Variants in ZNF207 observed in about 807,000 individuals in gnomAD.
The protein encoded by ZNF207 is BUB3-interacting and GLEBS motif-containing protein ZNF207.
ZNF207 carries 24 observed loss-of-function variants against 60.2 expected under a neutral mutation model. The ratio of observed to expected loss-of-function variants is 0.40; its 90% CI spans 0.29 to 0.56. The LOEUF (loss-of-function observed/expected upper bound fraction) is 0.56. Among genes scored for constraint, ZNF207 ranks in the 20% least tolerant of loss-of-function variants. The pLI is 0.49. For synonymous variants in ZNF207, 236 were observed against 194.7 expected (o/e 1.21, Z -1.77); for missense variants, 452 against 636.6 (o/e 0.71, Z 3.12).
intron 3 of ZNF207, among the ~76,000 whole-genome samples, chr17:32,359,973 T>A (rs1904761154): frequency 6.6e-6 from 1 of 152,210 alleles, no homozygotes. Context: ...ATTTGAGCTC[T>A]GTTTTTGAAG....
intron 5 of ZNF207, chr17:32,361,242 G>A (rs192322391): frequency 2.7e-5 from 15 of 555,572 alleles, no homozygotes; most frequent in East Asian, 1.5e-4. Flanking sequence ...ATAGATTTGC[G>A]TTTCTGAGAT....
rs1905614449 is a variant in ZNF207 at position 32,374,667 on chromosome 17, T to C, written c.*4908T>C. ...TGTAAAGGTGGGAAGGTGGTGTCTATGTGTGTGCTTGTGTATGTGGGGGTA... is the reference window on the plus strand; with the variant it reads ...TGTAAAGGTGGGAAGGTGGTGTCTACGTGTGTGCTTGTGTATGTGGGGGTA... On this transcript the variant is annotated 3_prime_UTR_variant, in exon 12 of 12. Transcript: ENST00000394670. 1 of 152,192 alleles carries C rather than the reference T, an allele frequency of 6.6e-6. No individual in the cohort carries two copies. Among genetic ancestry groups the C allele is most frequent in the African/African-American group, 2.4e-5 (1 of 41,450 alleles). The allele number at this position is 152,192 out of a possible 1,614,324, so 9.4% of individuals were successfully genotyped here.
intron 10 of ZNF207, chr17:32,369,040 G>C: frequency 2.3e-6 from 1 of 430,034 alleles, no homozygotes; most frequent in Non-Finnish European, 4.2e-6. Context: ...TACTTCATTA[G>C]ATAGTTTCTT....
chr17:32,369,261 G>T, intron 10 of ZNF207, 34 bp from the exon 11 acceptor site: 2 of 1,599,834 alleles, frequency 1.3e-6, no homozygotes, highest in South Asian at 2.2e-5. Flanking sequence ...CTCTGCATTC[G>T]AGTATTTAGC....
intron 7 of ZNF207, among the ~76,000 whole-genome samples, chr17:32,364,474 C>G (rs1381833597): frequency 1.3e-5 from 2 of 151,768 alleles, no homozygotes; most frequent in East Asian, 3.9e-4. Flanking sequence ...TTTCTCCTGC[C>G]TCAGCCTCCT....
chr17:32,353,811 CAA>C (rs536502166), intron 2 of ZNF207, among the ~76,000 whole-genome samples: 203 of 110,454 alleles, frequency 1.8e-3, no homozygotes, highest in African/African-American at 7.0e-3. Flanking sequence ...ACTCTGTCTC[CAA>C]AAAAAAAAAA....
At position 32,381,048 on chromosome 17, in the gene ZNF207, T is replaced by A. The variant is rs1905864457; in HGVS notation, c.*11289T>A. 1 of 152,146 alleles carries A rather than the reference T, an allele frequency of 6.6e-6. No homozygotes were observed. The highest frequency in any genetic ancestry group is 6.6e-5 in the Admixed American group (1 of 15,266). The allele number at this position is 152,146 out of a possible 1,614,324, so 9.4% of individuals were successfully genotyped here. A position where few individuals can be genotyped will look rare whatever the true frequency, so the allele number is the denominator to read the frequency against. On this transcript the variant is annotated 3_prime_UTR_variant, in exon 12 of 12. Coordinates refer to ENST00000394670, the MANE Select transcript of ZNF207 (RefSeq NM_001098507.2). Reference sequence around the variant, plus strand: ...ATAATAAAGTGATAATAAATGAAGGTTAAAGTCAAGTGTTCAATTACTACA... The same window carrying A: ...ATAATAAAGTGATAATAAATGAAGGATAAAGTCAAGTGTTCAATTACTACA...
In ZNF207 at chr17:32,358,518, A is replaced by G. The variant is rs760717926; in HGVS notation, c.184A>G (p.Ile62Val). 1 of 1,561,406 alleles carries G rather than the reference A, an allele frequency of 6.4e-7. No homozygotes were observed. The highest frequency in any genetic ancestry group is 8.6e-7 in the Non-Finnish European group (1 of 1,162,700). The stretch of plus-strand genomic sequence containing the variant: ...TTGTTGTTAGGTACATAAAGAAACA[A>G]TAGATGCCGTACCAAATGCAATACC... ...IHCMQVHKET[I>V]DAVPNAIPGR... The change falls in exon 3 of 12, where the codon ATA (isoleucine) becomes GTA (valine). Residue 62 changes from isoleucine (I) to valine (V), a missense_variant. Around this residue, in one of 2 missense-constraint regions of ZNF207, gnomAD observed 62 missense variants for 175.3 expected, o/e 0.35. Coordinates refer to ENST00000394670, the MANE Select transcript of ZNF207 (RefSeq NM_001098507.2).
intron 1 of ZNF207, 68 bp downstream of exon 1, chr17:32,350,394 G>T (rs1010434113): frequency 6.2e-7 from 1 of 1,603,340 alleles, no homozygotes; most frequent in Admixed American, 1.7e-5. Flanking sequence ...GGACTAGGAG[G>T]CCTGGATTTG....
intron 7 of ZNF207, among the ~76,000 whole-genome samples, chr17:32,364,056 A>G (rs1479054491): frequency 2.1e-5 from 3 of 142,088 alleles, no homozygotes; most frequent in African/African-American, 7.6e-5. Flanking sequence ...TTTTTGAGAC[A>G]GGGTGTTGGT....
chr17:32,371,660 G>C lies in ZNF207; in HGVS notation c.*1901G>C, dbSNP rs1168559765. 2.0e-5 allele frequency: 3 copies of C among 152,076 alleles called. No homozygotes were observed. The highest frequency in any genetic ancestry group is 4.4e-5 in the Non-Finnish European group (3 of 68,042). 9.4% of individuals were successfully genotyped at this position (152,076 alleles called of 1,614,324 possible). A position where few individuals can be genotyped will look rare whatever the true frequency, so the allele number is the denominator to read the frequency against. On this transcript the variant is annotated 3_prime_UTR_variant, in exon 12 of 12. Transcript: ENST00000394670. ...GCTGCTCAAGAGGCTGAGGAAGGAG[G>C]TTCTTCCTCCTTCCGAGGCTGCGGT...
At chr17:32,353,811 CA>C (rs536502166) in intron 2 of ZNF207, among the ~76,000 whole-genome samples, 1,401 of 110,212 alleles carry the variant, frequency 0.013, 5 homozygotes, top group African/African-American at 0.037. Flanking sequence ...ACTCTGTCTC[CA>C]AAAAAAAAAA....
At chr17:32,360,567 C>G (rs376599874) in intron 3 of ZNF207, 31 bp from the exon 4 acceptor site, 190 of 1,562,468 alleles carry the variant, frequency 1.2e-4, no homozygotes, top group Non-Finnish European at 1.6e-4. Flanking sequence ...TTAGTTTTTA[C>G]TCTATGGAAA....
intron 2 of ZNF207, among the ~76,000 whole-genome samples, chr17:32,356,844 A>G (rs1199088320): frequency 6.6e-6 from 1 of 152,150 alleles, no homozygotes; most frequent in Non-Finnish European, 1.5e-5. Flanking sequence ...AAACAATATA[A>G]TGAAAAAAAA....
intron 5 of ZNF207, 68 bp downstream of exon 5, chr17:32,361,035 A>G (rs772669809): frequency 4.2e-5 from 64 of 1,511,228 alleles, no homozygotes; most frequent in Non-Finnish European, 4.9e-5. Flanking sequence ...TTTGGATGTT[A>G]TATGAATGAA....
chr17:32,367,272 T>TAC, intron 9 of ZNF207, among the ~76,000 whole-genome samples: 2 of 118,544 alleles, frequency 1.7e-5, no homozygotes, highest in African/African-American at 3.7e-5. Flanking sequence ...TATATATATA[T>TAC]ATATATATAT....
At chr17:32,360,322 C>T (rs1904794574) in intron 3 of ZNF207, among the ~76,000 whole-genome samples, 1 of 151,896 alleles carries the variant, frequency 6.6e-6, no homozygotes, top group African/African-American at 2.4e-5. Flanking sequence ...TGCTGTACAG[C>T]CTGCATCGCA....
rs1905656188 is a variant in ZNF207 at position 32,375,793 on chromosome 17, T to C, written c.*6034T>C. ...TTCTGCGTTATTCCAAATTGAAATTTGTTTGCTCTTCATTGTAACTTTTAT... is the reference window on the plus strand; with the variant it reads ...TTCTGCGTTATTCCAAATTGAAATTCGTTTGCTCTTCATTGTAACTTTTAT... On this transcript the variant is annotated 3_prime_UTR_variant, in exon 12 of 12. Transcript: ENST00000394670. 2 of 152,126 alleles carry C rather than the reference T, an allele frequency of 1.3e-5. No individual in the cohort carries two copies. The highest frequency in any genetic ancestry group is 4.1e-4 in the South Asian group (2 of 4,832). 9.4% of individuals were successfully genotyped at this position (152,126 alleles called of 1,614,324 possible). A position where few individuals can be genotyped will look rare whatever the true frequency, so the allele number is the denominator to read the frequency against.
Position 32,371,163 on chromosome 17 carries a change from T to G in ZNF207, c.*1404T>G, listed in dbSNP as rs1286876212. ...CTTTTGCAGGGTAGTTTTATGATTTTTTAGGCATCAAATAACCTATGCAAA... is the reference window on the plus strand; with the variant it reads ...CTTTTGCAGGGTAGTTTTATGATTTGTTAGGCATCAAATAACCTATGCAAA... On this transcript the variant is annotated 3_prime_UTR_variant, in exon 12 of 12. Coordinates refer to ENST00000394670, the MANE Select transcript of ZNF207 (RefSeq NM_001098507.2). The G allele has an allele frequency of 6.6e-6, 1 of 152,232 alleles. No homozygotes were observed. Among genetic ancestry groups the G allele is most frequent in the Non-Finnish European group, 1.5e-5 (1 of 68,040 alleles). The allele number at this position is 152,232 out of a possible 1,614,324, so 9.4% of individuals were successfully genotyped here. A position where few individuals can be genotyped will look rare whatever the true frequency, so the allele number is the denominator to read the frequency against.
Sources: gnomAD v4.1 joint callset for allele counts (sites outside exome capture counted in the v4.1 genomes callset) on GRCh38, gnomAD v4.1.1 for gene constraint, gnomAD v4.1.1 regional missense constraint, MANE v1.5 for transcripts, NCBI Gene and HGNC (gene_info 2026-07-23, HGNC 2026-07-21) for gene names.